Variants in CCSER1 observed in about 807,000 individuals in gnomAD.
The protein encoded by CCSER1 is coiled-coil serine rich protein 1, also known as serine-rich coiled-coil domain-containing protein 1.
In CCSER1, 41 loss-of-function variants were observed where a neutral mutation model predicts 82.0. That is an observed-to-expected ratio of 0.50 (90% confidence interval 0.39 to 0.65). CCSER1 has a LOEUF of 0.65. Ranked by LOEUF, CCSER1 falls within the 30% of genes least tolerant of loss-of-function variation. CCSER1 has a pLI of 0.00. For missense variants in CCSER1, 1,119 were observed against 1,064.2 expected (o/e 1.05, Z -0.72); for synonymous variants, 414 against 383.9 (o/e 1.08, Z -0.92).
At chr4:90,824,084 T>G (rs1318846872) in intron 8 of CCSER1, among the ~76,000 whole-genome samples, 1 of 151,924 alleles carries the variant, frequency 6.6e-6, no homozygotes, top group Non-Finnish European at 1.5e-5. Context: ...GTTGAACACT[T>G]TTTCCTCCCG....
intron 10 of CCSER1, among the ~76,000 whole-genome samples, chr4:91,595,940 AC>A (rs1426863797): frequency 8.6e-5 from 11 of 128,118 alleles, no homozygotes; most frequent in African/African-American, 3.4e-4. Context: ...ATCACAGAGA[AC>A]TTAAAAAAAA....
At chr4:90,553,480 T>A (rs1356032754) in intron 5 of CCSER1, among the ~76,000 whole-genome samples, 1 of 152,206 alleles carries the variant, frequency 6.6e-6, no homozygotes, top group East Asian at 1.9e-4. Context: ...ATTTTCTGGT[T>A]CTTGTTTTTA....
chr4:90,441,419 C>G (rs544934016), intron 4 of CCSER1, among the ~76,000 whole-genome samples: 1 of 152,158 alleles, frequency 6.6e-6, no homozygotes, highest in East Asian at 1.9e-4. Context: ...TGTAGATGGC[C>G]ACCTTTTTGC....
At chr4:91,544,769 T>TGAG (rs111941725) in intron 10 of CCSER1, among the ~76,000 whole-genome samples, 15,361 of 152,096 alleles carry the variant, frequency 0.1, 831 homozygotes, top group South Asian at 0.2. Flanking sequence ...GGGACCCACT[T>TGAG]GAGGCAGTCT....
chr4:91,564,259 G>A (rs11939394), intron 10 of CCSER1, among the ~76,000 whole-genome samples: 68,052 of 151,696 alleles, frequency 0.45, 15,467 homozygotes, highest in East Asian at 0.62. Context: ...ATTCCATGGT[G>A]TATATAGGCC....
intron 4 of CCSER1, among the ~76,000 whole-genome samples, chr4:90,443,426 AT>A (rs1760187691): frequency 6.6e-6 from 1 of 152,146 alleles, no homozygotes; most frequent in Admixed American, 6.6e-5. Flanking sequence ...GACAAGGTAG[AT>A]ACACTGAACA....
chr4:91,073,106 T>C (rs1400647306), intron 9 of CCSER1, among the ~76,000 whole-genome samples: 1 of 152,074 alleles, frequency 6.6e-6, no homozygotes, highest in African/African-American at 2.4e-5. Flanking sequence ...GAATGGCTTA[T>C]TACAGTATAG....
At chr4:90,433,387 G>A (rs1758569858) in intron 4 of CCSER1, among the ~76,000 whole-genome samples, 4 of 152,024 alleles carry the variant, frequency 2.6e-5, no homozygotes, top group Admixed American at 2.6e-4. Context: ...CTACCAAGGG[G>A]ATTGAATGAC....
intron 10 of CCSER1, among the ~76,000 whole-genome samples, chr4:91,452,963 G>A (rs887876854): frequency 3.3e-5 from 5 of 151,904 alleles, no homozygotes; most frequent in African/African-American, 9.7e-5. Flanking sequence ...TCAAGACTTC[G>A]CATATCAAGT....
intron 10 of CCSER1, among the ~76,000 whole-genome samples, chr4:91,467,770 A>G (rs953385453): frequency 2.0e-5 from 3 of 152,238 alleles, no homozygotes; most frequent in Non-Finnish European, 4.4e-5. Context: ...ATCACTGGCC[A>G]TCAGAGAAAT....
At chr4:91,451,007 T>C (rs1755842684) in intron 10 of CCSER1, among the ~76,000 whole-genome samples, 1 of 152,036 alleles carries the variant, frequency 6.6e-6, no homozygotes, top group East Asian at 1.9e-4. Flanking sequence ...AGAATTTGTT[T>C]CTCACATTTC....
chr4:91,200,826 T>A (rs1735845892), intron 10 of CCSER1, among the ~76,000 whole-genome samples: 1 of 152,066 alleles, frequency 6.6e-6, no homozygotes, highest in African/African-American at 2.4e-5. Flanking sequence ...ATACATTAAT[T>A]ATACTCATAT....
intron 10 of CCSER1, among the ~76,000 whole-genome samples, chr4:91,335,494 C>G (rs773333365): frequency 2.6e-5 from 4 of 152,064 alleles, no homozygotes; most frequent in African/African-American, 4.8e-5. Flanking sequence ...GTACTTCACT[C>G]ATTTTACTTA....
chr4:90,459,504 G>T (rs1454460513), intron 4 of CCSER1, among the ~76,000 whole-genome samples: 1 of 152,118 alleles, frequency 6.6e-6, no homozygotes, highest in Non-Finnish European at 1.5e-5. Context: ...CAGTTCTGGA[G>T]GCTAGAAGTT....
intron 9 of CCSER1, among the ~76,000 whole-genome samples, chr4:90,933,877 A>G (rs1730593185): frequency 6.6e-6 from 1 of 151,924 alleles, no homozygotes; most frequent in Non-Finnish European, 1.5e-5. Context: ...AGGACTGAAT[A>G]TCATTCAATC....
chr4:90,616,722 CACACACACACACACACAAATA>C (rs748029283), intron 5 of CCSER1, among the ~76,000 whole-genome samples: 5,819 of 120,458 alleles, frequency 0.048, 185 homozygotes, highest in Non-Finnish European at 0.065. Flanking sequence ...CACACACACA[CACACACACACACACACAAATA>C]AAATAAAATA....
intron 10 of CCSER1, among the ~76,000 whole-genome samples, chr4:91,167,950 C>T (rs914960489): frequency 2.0e-5 from 3 of 151,166 alleles, no homozygotes; most frequent in Non-Finnish European, 2.9e-5. Context: ...GCCCGGCCAC[C>T]ACCCCGTCTG....
chr4:91,077,765 T>C (rs1722162914), intron 9 of CCSER1, among the ~76,000 whole-genome samples: 1 of 152,218 alleles, frequency 6.6e-6, no homozygotes, highest in South Asian at 2.1e-4. Flanking sequence ...ACTTTTCCAA[T>C]GGTCTTAGCA....
chr4:91,565,707 T>G (rs748547898), intron 10 of CCSER1, among the ~76,000 whole-genome samples: 6 of 152,118 alleles, frequency 3.9e-5, no homozygotes, highest in Non-Finnish European at 8.8e-5. Flanking sequence ...GTTTGGCTGT[T>G]ATTGAAGTAT....
Sources: gnomAD v4.1 joint callset for allele counts (sites outside exome capture counted in the v4.1 genomes callset) on GRCh38, gnomAD v4.1.1 for gene constraint, MANE v1.5 for transcripts, NCBI Gene and HGNC (gene_info 2026-07-23, HGNC 2026-07-21) for gene names.